CYB5R4: variants seen among roughly 807,000 people sequenced by gnomAD.
CYB5R4 encodes cytochrome b5 reductase 4, also known as N-terminal cytochrome b5 and cytochrome b5 oxidoreductase domain-containing protein.
Under a neutral mutation model 70.2 loss-of-function variants are expected in CYB5R4, and 55 were observed. The ratio of observed to expected loss-of-function variants is 0.78; its 90% CI spans 0.63 to 0.98. CYB5R4 has a LOEUF of 0.98. CYB5R4 is among the 50% of genes least tolerant of loss of function. The pLI is 0.00. For missense variants in CYB5R4, 562 were observed against 612.6 expected, an observed-to-expected ratio of 0.92 and a Z score of 0.87; for synonymous variants, 197 against 199.5, an observed-to-expected ratio of 0.99 and a Z score of 0.11.
intron 12 of CYB5R4, among the ~76,000 whole-genome samples, chr6:83,936,938 G>A (rs1490061620): frequency 6.6e-6 from 1 of 152,194 alleles, no homozygotes; most frequent in Non-Finnish European, 1.5e-5. Context: ...CACCCAAGAT[G>A]CCCATCAACC....
Position 83,960,101 on chromosome 6 carries a change from G to T in CYB5R4, c.*223G>T, listed in dbSNP as rs1171990307. ...TATTTGACCTGGAAAGTTAATCATG[G>T]CAACAAATACATACAGGATTCTTTG... is the stretch of plus-strand genomic sequence containing the variant. On this transcript the variant is annotated 3_prime_UTR_variant, in exon 16 of 16. Coordinates refer to ENST00000369681, the MANE Select transcript of CYB5R4 (RefSeq NM_016230.4). The T allele has an allele frequency of 1.6e-5, 6 of 376,202 alleles. No individual in the cohort carries two copies. Among genetic ancestry groups the T allele is most frequent in the Non-Finnish European group, 2.8e-5 (6 of 211,736 alleles). 23.3% of individuals were successfully genotyped at this position (376,202 alleles called of 1,614,324 possible). A position where few individuals can be genotyped will look rare whatever the true frequency, so the allele number is the denominator to read the frequency against.
chr6:83,886,623 G>C (rs1328661531), intron 2 of CYB5R4, among the ~76,000 whole-genome samples: 1 of 152,188 alleles, frequency 6.6e-6, no homozygotes, highest in Non-Finnish European at 1.5e-5. Context: ...CCTAGGGGTA[G>C]GGTGGATGGG....
At chr6:83,922,588 C>A in intron 9 of CYB5R4, 118 bp downstream of exon 9, 1 of 704,612 alleles carries the variant, frequency 1.4e-6, no homozygotes, top group South Asian at 1.8e-5. Flanking sequence ...TCTATATTTT[C>A]ACATTGCAAA....
At chr6:83,918,942 A>G (rs2099465931) in intron 6 of CYB5R4, among the ~76,000 whole-genome samples, 1 of 152,156 alleles carries the variant, frequency 6.6e-6, no homozygotes, top group Non-Finnish European at 1.5e-5. Flanking sequence ...AAAACAGAAG[A>G]CTTAGTTTCA....
chr6:83,903,044 T>G (rs1244529923), intron 3 of CYB5R4, among the ~76,000 whole-genome samples: 2 of 152,110 alleles, frequency 1.3e-5, no homozygotes. Flanking sequence ...TGTCTAGAAC[T>G]TCCAGTACTG....
Position 83,961,701 on chromosome 6 carries a change from A to C in CYB5R4, c.*1823A>C, listed in dbSNP as rs2099473371. 1 of 152,076 alleles carries C rather than the reference A, an allele frequency of 6.6e-6. No homozygotes were observed. Among genetic ancestry groups the C allele is most frequent in the Admixed American group, 6.6e-5 (1 of 15,256 alleles). The allele number at this position is 152,076 out of a possible 1,614,324, so 9.4% of individuals were successfully genotyped here. Reference sequence around the variant, plus strand: ...TGTGAAAATAGACTAATATAAAAAGAGACTATTTACCACTTTTTTTTAGTT... The same window carrying C: ...TGTGAAAATAGACTAATATAAAAAGCGACTATTTACCACTTTTTTTTAGTT... On this transcript the variant is annotated 3_prime_UTR_variant, in exon 16 of 16. Coordinates refer to ENST00000369681, the MANE Select transcript of CYB5R4 (RefSeq NM_016230.4).
In CYB5R4 at chr6:83,952,710, A is replaced by G. The variant is rs956041843; in HGVS notation, c.1347-2588A>G. Among the ~76,000 whole-genome samples, 102 of 152,298 alleles carry G rather than the reference A, an allele frequency of 6.7e-4. 1 individual carries two copies. The highest frequency in any genetic ancestry group is 2.4e-3 in the African/African-American group (99 of 41,578). ...TCTTTTTGTTTACAATTGAGGAAACAAGATAGGCTAAAATCAGGTGCTGAA... is the reference window on the plus strand; with the variant it reads ...TCTTTTTGTTTACAATTGAGGAAACGAGATAGGCTAAAATCAGGTGCTGAA... On this transcript the variant is annotated intron_variant, in intron 14 of 15. Coordinates refer to ENST00000369681, the MANE Select transcript of CYB5R4 (RefSeq NM_016230.4).
intron 6 of CYB5R4, 121 bp downstream of exon 6, chr6:83,918,186 A>G: frequency 1.6e-6 from 1 of 636,622 alleles, no homozygotes; most frequent in Non-Finnish European, 2.8e-6. Context: ...GCTCTTTGAC[A>G]CAAGAACTGT....
At chr6:83,959,721 G>A in intron 15 of CYB5R4, 103 bp from the exon 16 acceptor site, 2 of 994,270 alleles carry the variant, frequency 2.0e-6, no homozygotes, top group South Asian at 1.7e-5. Context: ...CATAGTGAAT[G>A]GGGAAAATGA....
intron 3 of CYB5R4, among the ~76,000 whole-genome samples, chr6:83,899,699 T>A (rs1212397375): frequency 1.3e-5 from 2 of 152,080 alleles, no homozygotes; most frequent in African/African-American, 4.8e-5. Flanking sequence ...CTTGGGAGGG[T>A]GTATGTGTCG....
At position 83,910,518 on chromosome 6, in the gene CYB5R4, TAGAAGTA is replaced by T. The variant is rs1193206321; in HGVS notation, c.412+1435_412+1441del. ...GGGAAAGGTAATTAAAAATGGGAGG[TAGAAGTA>T]AGAAGTCCCTGGTTAGGGGGCAGAT... On this transcript the variant is annotated intron_variant, in intron 4 of 15. Coordinates refer to ENST00000369681, the MANE Select transcript of CYB5R4 (RefSeq NM_016230.4). Among the ~76,000 whole-genome samples the T allele has an allele frequency of 2.0e-5, 3 of 152,034 alleles. No homozygotes were observed. The East Asian group carries it at 5.8e-4, about 29-fold the overall frequency.
At chr6:83,923,384 C>CA (rs1174810535) in intron 9 of CYB5R4, among the ~76,000 whole-genome samples, 1 of 152,110 alleles carries the variant, frequency 6.6e-6, no homozygotes, top group Non-Finnish European at 1.5e-5. Flanking sequence ...TCTTTAAAGA[C>CA]AAAGACCATG....
At chr6:83,922,559 A>G (rs2099466549) in intron 9 of CYB5R4, 89 bp downstream of exon 9, 1 of 866,568 alleles carries the variant, frequency 1.2e-6, no homozygotes, top group Admixed American at 2.3e-5. Flanking sequence ...AAAAATTAGC[A>G]TTTGTTTTAT....
intron 15 of CYB5R4, among the ~76,000 whole-genome samples, chr6:83,959,336 C>T (rs1588590048): frequency 6.6e-6 from 1 of 152,032 alleles, no homozygotes; most frequent in Non-Finnish European, 1.5e-5. Context: ...TCTGATCAAG[C>T]CTCTAGATCC....
chr6:83,889,054 G>C (rs1338904463), intron 2 of CYB5R4, among the ~76,000 whole-genome samples: 1 of 152,216 alleles, frequency 6.6e-6, no homozygotes, highest in African/African-American at 2.4e-5. Context: ...TGAGAGAGGT[G>C]AGGAAGCTGT....
intron 6 of CYB5R4, among the ~76,000 whole-genome samples, chr6:83,918,535 G>A (rs1362676409): frequency 1.3e-5 from 2 of 151,768 alleles, no homozygotes; most frequent in African/African-American, 2.4e-5. Context: ...TAAATATTCT[G>A]CGAAAGCATT....
chr6:83,887,321 A>G (rs1041778371), intron 2 of CYB5R4, among the ~76,000 whole-genome samples: 1 of 152,200 alleles, frequency 6.6e-6, no homozygotes, highest in African/African-American at 2.4e-5. Context: ...CTTTAAGACT[A>G]TCATTCTGTG....
chr6:83,887,577 C>T (rs1473019398), intron 2 of CYB5R4, among the ~76,000 whole-genome samples: 1 of 152,140 alleles, frequency 6.6e-6, no homozygotes, highest in Admixed American at 6.5e-5. Context: ...ATTAGCTATA[C>T]AGTGTACCCC....
intron 5 of CYB5R4, 123 bp from the exon 6 acceptor site, chr6:83,917,879 TGAG>T: frequency 1.4e-6 from 1 of 706,580 alleles, no homozygotes; most frequent in Non-Finnish European, 2.4e-6. Flanking sequence ...GAAAATATAT[TGAG>T]TAGTACATTT....
Sources: allele counts gnomAD v4.1 joint callset (sites outside exome capture counted in the v4.1 genomes callset), GRCh38; gene constraint gnomAD v4.1.1; transcripts MANE v1.5; gene names NCBI Gene and HGNC (gene_info 2026-07-23, HGNC 2026-07-21).